The following VPS13B variants were observed in gnomAD, a reference collection of about 807,000 sequenced individuals.
VPS13B encodes intermembrane lipid transfer protein VPS13B.
A neutral mutation model predicts 426.4 loss-of-function variants in VPS13B; 285 were observed. The observed-to-expected ratio is 0.67, with a 90% CI of 0.61 to 0.74. The LOEUF is 0.74. Ranked by LOEUF, VPS13B falls within the 30% of genes least tolerant of loss-of-function variation. The probability of loss-of-function intolerance (pLI) is 0.00; values close to 1 mark genes in which losing one functional copy is unlikely to be tolerated. For missense variants in VPS13B, 4,537 were observed against 4,782.6 expected (o/e 0.95, Z 1.51); for synonymous variants, 1,676 against 1,676.4 (o/e 1.00, Z 0.01).
chr8:99,299,579 T>C (rs1820247974), intron 19 of VPS13B, among the ~76,000 whole-genome samples: 1 of 152,094 alleles, frequency 6.6e-6, no homozygotes, highest in African/African-American at 2.4e-5. Flanking sequence ...CATGCTAAAC[T>C]TACAGATTTT....
intron 60 of VPS13B, 179 bp downstream of exon 60, chr8:99,871,066 G>A: frequency 1.4e-6 from 1 of 692,056 alleles, no homozygotes; most frequent in Non-Finnish European, 2.5e-6. Context: ...GCTGTTGCCA[G>A]GTTTGGGGCT....
intron 21 of VPS13B, among the ~76,000 whole-genome samples, chr8:99,416,942 A>G (rs528206983): frequency 6.6e-6 from 1 of 152,302 alleles, no homozygotes; most frequent in East Asian, 1.9e-4. Flanking sequence ...ATAGTATTTA[A>G]TTAAGTTTAT....
chr8:99,493,997 A>C (rs568605765), intron 25 of VPS13B, among the ~76,000 whole-genome samples: 5 of 152,192 alleles, frequency 3.3e-5, no homozygotes, highest in African/African-American at 1.2e-4. Context: ...ATGATAAGAT[A>C]AATATTTCTA....
chr8:99,590,184 T>C lies in VPS13B; in HGVS notation c.5220+12551T>C, dbSNP rs916017958. Among the ~76,000 whole-genome samples, 16 of 152,312 alleles carry C rather than the reference T, an allele frequency of 1.1e-4. 1 individual carries two copies. The highest frequency in any genetic ancestry group is 7.8e-4 in the Admixed American group (12 of 15,296). On this transcript the variant is annotated intron_variant, in intron 33 of 61. Transcript: ENST00000357162. The stretch of plus-strand genomic sequence containing the variant: ...TATTTCTGTGGGATCAGTGGTGATA[T>C]CACCTTTATCATTTTTTTATTGCAT...
chr8:99,084,065 C>T (rs1355006322), intron 3 of VPS13B, among the ~76,000 whole-genome samples: 28 of 152,224 alleles, frequency 1.8e-4, no homozygotes, highest in Admixed American at 8.5e-4. Context: ...TGGTAGAATT[C>T]GGCCGTGAAT....
At chr8:99,771,128 T>G (rs765263253) in intron 40 of VPS13B, among the ~76,000 whole-genome samples, 1 of 152,222 alleles carries the variant, frequency 6.6e-6, no homozygotes, top group Non-Finnish European at 1.5e-5. Context: ...TTACAGACAT[T>G]TATTATATAA....
At chr8:99,557,763 C>T (rs1442004511) in intron 31 of VPS13B, among the ~76,000 whole-genome samples, 1 of 152,074 alleles carries the variant, frequency 6.6e-6, no homozygotes, top group African/African-American at 2.4e-5. Flanking sequence ...GTACTCTTAA[C>T]GATTTATAGT....
intron 33 of VPS13B, among the ~76,000 whole-genome samples, chr8:99,580,611 A>G (rs1826002259): frequency 6.6e-6 from 1 of 152,020 alleles, no homozygotes; most frequent in Non-Finnish European, 1.5e-5. Flanking sequence ...CAACACTGGG[A>G]GGCTGAGGTG....
chr8:99,023,715 G>A (rs1357213472), intron 2 of VPS13B, among the ~76,000 whole-genome samples: 2 of 152,104 alleles, frequency 1.3e-5, no homozygotes, highest in African/African-American at 2.4e-5. Flanking sequence ...GCCTGACCTC[G>A]TGATCCGCCT....
intron 19 of VPS13B, among the ~76,000 whole-genome samples, chr8:99,375,010 C>T (rs1433902353): frequency 6.6e-6 from 1 of 152,196 alleles, no homozygotes; most frequent in Non-Finnish European, 1.5e-5. Context: ...GCTTCGCACT[C>T]AGACTTTATT....
At chr8:99,436,778 G>A (rs891814243) in intron 22 of VPS13B, among the ~76,000 whole-genome samples, 4 of 151,808 alleles carry the variant, frequency 2.6e-5, no homozygotes, top group Non-Finnish European at 4.4e-5. Context: ...CTTAGTTGTC[G>A]CCCAGGCTGG....
At chr8:99,478,462 T>TTTTGTTTTTTTTTTTTTTTTTTTG (rs1819850316) in intron 24 of VPS13B, among the ~76,000 whole-genome samples, 1 of 123,496 alleles carries the variant, frequency 8.1e-6, no homozygotes, top group Non-Finnish European at 1.6e-5. Context: ...TTTTTTTTTT[T>TTTTGTTTTTTTTTTTTTTTTTTTG]TTTGTTTTTT....
chr8:99,122,121 T>C (rs904597717), intron 8 of VPS13B, among the ~76,000 whole-genome samples: 1 of 151,546 alleles, frequency 6.6e-6, no homozygotes, highest in Non-Finnish European at 1.5e-5. Flanking sequence ...GGCCTCCCAA[T>C]GTGCTAGGAT....
chr8:99,129,846 A>G (rs959076134), intron 8 of VPS13B, among the ~76,000 whole-genome samples: 9 of 152,022 alleles, frequency 5.9e-5, no homozygotes, highest in Admixed American at 3.9e-4. Context: ...ACATGGTGAG[A>G]CCCCATCTTT....
chr8:99,798,272 A>C (rs575118239), intron 43 of VPS13B, among the ~76,000 whole-genome samples: 6 of 151,544 alleles, frequency 4.0e-5, no homozygotes, highest in African/African-American at 1.5e-4. Flanking sequence ...CAGGAAACTT[A>C]CATTCTCTGA....
intron 16 of VPS13B, among the ~76,000 whole-genome samples, chr8:99,188,228 TG>T (rs1245299395): frequency 1.3e-5 from 2 of 152,076 alleles, no homozygotes; most frequent in African/African-American, 4.8e-5. Flanking sequence ...TTCACAGTTT[TG>T]TGCAGTCATC....
At chr8:99,708,564 G>A (rs1387052093) in intron 36 of VPS13B, among the ~76,000 whole-genome samples, 1 of 152,108 alleles carries the variant, frequency 6.6e-6, no homozygotes, top group Non-Finnish European at 1.5e-5. Flanking sequence ...TAAGGACTAA[G>A]TCACAGTCCC....
At chr8:99,802,976 C>G (rs1813202171) in intron 43 of VPS13B, among the ~76,000 whole-genome samples, 1 of 152,144 alleles carries the variant, frequency 6.6e-6, no homozygotes, top group African/African-American at 2.4e-5. Context: ...AATCACTTAG[C>G]CCAGTGCTTG....
chr8:99,213,517 A>C (rs1368529779), intron 17 of VPS13B, among the ~76,000 whole-genome samples: 1 of 152,134 alleles, frequency 6.6e-6, no homozygotes, highest in African/African-American at 2.4e-5. Context: ...TATAAGAAGT[A>C]GTAATTCTTT....
Sources: gnomAD v4.1 joint callset for allele counts (sites outside exome capture counted in the v4.1 genomes callset) on GRCh38, gnomAD v4.1.1 for gene constraint, MANE v1.5 for transcripts, NCBI Gene and HGNC (gene_info 2026-07-23, HGNC 2026-07-21) for gene names.